RPL26L1: variants seen among roughly 807,000 people sequenced by gnomAD.
RPL26L1 encodes ribosomal protein uL24-like.
RPL26L1 carries 8 observed loss-of-function variants against 15.2 expected under a neutral mutation model. That is an observed-to-expected ratio of 0.53 (90% CI 0.31 to 0.95). RPL26L1 has a LOEUF of 0.95. Ranked by LOEUF, RPL26L1 falls within the 40% of genes least tolerant of loss-of-function variation. The probability of loss-of-function intolerance (pLI) is 0.05; values close to 1 mark genes in which losing one functional copy is unlikely to be tolerated. For missense variants in RPL26L1, 146 were observed against 190.9 expected (o/e 0.76, Z 1.39); for synonymous variants, 51 against 65.9 (o/e 0.77, Z 1.09).
chr5:172,967,166 G>A (rs1755489995), intron 2 of RPL26L1, among the ~76,000 whole-genome samples: 1 of 148,654 alleles, frequency 6.7e-6, no homozygotes, highest in Non-Finnish European at 1.5e-5. Context: ...CATGCATGGT[G>A]TTTAATAAGC....
Position 172,969,399 on chromosome 5 carries a change from C to A in RPL26L1, c.310-14C>A. The A allele has an allele frequency of 6.2e-7, 1 of 1,611,712 alleles. No homozygotes were observed. The highest frequency in any genetic ancestry group is 1.1e-5 in the South Asian group (1 of 90,796). ...GGATGCAGAAATAAAGACCTGTTTT[C>A]TCACTCCCAACAGGTGGTTATCACC... On this transcript the variant is annotated splice_polypyrimidine_tract_variant and intron_variant, in intron 3 of 3. Transcript: ENST00000265100.
At chr5:172,958,750 G>A (rs1755085614), upstream of RPL26L1, 2 of 245,140 alleles carry the variant, frequency 8.2e-6, no homozygotes, top group South Asian at 4.4e-5. Context: ...CGCGGAGCTC[G>A]GGAGCGACCC....
intron 2 of RPL26L1, 101 bp downstream of exon 2, chr5:172,960,142 A>G: frequency 7.2e-7 from 1 of 1,387,664 alleles, no homozygotes; most frequent in Non-Finnish European, 1.0e-6. Context: ...TCTGGAAAGT[A>G]GTGTGACCCT....
intron 3 of RPL26L1, 80 bp from the exon 4 acceptor site, chr5:172,969,333 T>A (rs1242469539): frequency 6.9e-7 from 1 of 1,446,836 alleles, no homozygotes; most frequent in East Asian, 2.3e-5. Context: ...GGCTGAGGTC[T>A]TACTTAACTT....
intron 3 of RPL26L1, among the ~76,000 whole-genome samples, chr5:172,968,917 C>G (rs1015822034): frequency 7.1e-6 from 1 of 141,794 alleles, no homozygotes; most frequent in South Asian, 2.3e-4. Context: ...AAGCAATTCT[C>G]CTGCCTCAGC....
At chr5:172,961,018 G>A (rs965191165) in intron 2 of RPL26L1, among the ~76,000 whole-genome samples, 6 of 152,090 alleles carry the variant, frequency 3.9e-5, no homozygotes, top group Non-Finnish European at 8.8e-5. Flanking sequence ...GTTGTGACAA[G>A]CAAAAATATT....
chr5:172,961,121 G>A (rs1045894934), intron 2 of RPL26L1, among the ~76,000 whole-genome samples: 1 of 152,184 alleles, frequency 6.6e-6, no homozygotes, highest in African/African-American at 2.4e-5. Flanking sequence ...ATGACATAAG[G>A]TGATGAGGCT....
At position 172,969,759 on chromosome 5, in the gene RPL26L1, C is replaced by A; in HGVS notation, c.*218C>A. 2.6e-6 allele frequency: 1 copy of A among 390,700 alleles called. No homozygotes were observed. Among genetic ancestry groups the A allele is most frequent in the East Asian group, 5.5e-5 (1 of 18,204 alleles). 24.2% of individuals were successfully genotyped at this position (390,700 alleles called of 1,614,324 possible). On this transcript the variant is annotated 3_prime_UTR_variant, in exon 4 of 4. Coordinates refer to ENST00000265100, the MANE Select transcript of RPL26L1 (RefSeq NM_016093.4). ...TTTGCATTGTTTTATAAATAAATTC[C>A]ACTTACTATCAATTCCCCTTTGCCA... is the stretch of plus-strand genomic sequence containing the variant.
intron 2 of RPL26L1, 37 bp downstream of exon 2, chr5:172,960,078 C>T (rs755838982): frequency 1.2e-6 from 2 of 1,612,100 alleles, no homozygotes; most frequent in Non-Finnish European, 1.7e-6. Flanking sequence ...GCTCGGACAC[C>T]GTTGCCTAAG....
intron 3 of RPL26L1, among the ~76,000 whole-genome samples, chr5:172,969,048 C>T (rs1056920780): frequency 2.6e-5 from 4 of 151,838 alleles, no homozygotes; most frequent in South Asian, 2.1e-4. Context: ...CCTCGTGATC[C>T]GCCCGCCTCG....
intron 2 of RPL26L1, among the ~76,000 whole-genome samples, chr5:172,961,881 A>G (rs768699085): frequency 3.3e-5 from 5 of 152,274 alleles, no homozygotes; most frequent in Admixed American, 6.5e-5. Flanking sequence ...GAACATCTCT[A>G]TTTAGGTAGC....
chr5:172,960,049 T>C lies in RPL26L1; in HGVS notation c.168+8T>C, dbSNP rs765213659. The C allele has an allele frequency of 6.2e-7, 1 of 1,613,924 alleles. No homozygotes were observed. Among genetic ancestry groups the C allele is most frequent in the Non-Finnish European group, 8.5e-7 (1 of 1,179,936 alleles). The stretch of plus-strand genomic sequence containing the variant: ...AAGGACGACGAGGTCCAGGTACGTC[T>C]CCCTCCGGCGCTAGTGGCGCTCGGA... On this transcript the variant is annotated splice_region_variant and intron_variant, in intron 2 of 3. Transcript: ENST00000265100.
upstream of RPL26L1, chr5:172,955,698 T>C (rs1458483872): frequency 6.6e-6 from 1 of 152,262 alleles, no homozygotes; most frequent in Non-Finnish European, 1.5e-5. Context: ...CACTTCATTC[T>C]GGCCAGTCAT....
At chr5:172,965,984 G>C (rs990904330) in intron 2 of RPL26L1, among the ~76,000 whole-genome samples, 3 of 152,116 alleles carry the variant, frequency 2.0e-5, no homozygotes, top group Non-Finnish European at 4.4e-5. Context: ...CCATCCACCT[G>C]GTTGCCCAAG....
rs1196706118 is a variant in RPL26L1, at chr5:172,959,859, T to G, written c.-9-6T>G. 6.2e-7 allele frequency: 1 copy of G among 1,613,912 alleles called. No homozygotes were observed. Among genetic ancestry groups the G allele is most frequent in the Non-Finnish European group, 8.5e-7 (1 of 1,179,856 alleles). ...CCTTCATTCCGTCTCTCTCCGCCCT[T>G]TGTAGAGGGTCACCATGAAGTTCAA... is the stretch of plus-strand genomic sequence containing the variant. On this transcript the variant is annotated splice_region_variant and splice_polypyrimidine_tract_variant and intron_variant, in intron 1 of 3. Coordinates refer to ENST00000265100, the MANE Select transcript of RPL26L1 (RefSeq NM_016093.4).
intron 2 of RPL26L1, among the ~76,000 whole-genome samples, chr5:172,967,335 C>T (rs1003267580): frequency 1.9e-4 from 29 of 152,120 alleles, no homozygotes; most frequent in African/African-American, 6.7e-4. Context: ...CCTGCTGGTG[C>T]GTGCCTATAA....
At chr5:172,961,190 A>G (rs898398231) in intron 2 of RPL26L1, among the ~76,000 whole-genome samples, 3 of 152,186 alleles carry the variant, frequency 2.0e-5, no homozygotes, top group African/African-American at 7.2e-5. Flanking sequence ...TTAAGGAGGA[A>G]AAAATGTGGA....
intron 2 of RPL26L1, among the ~76,000 whole-genome samples, chr5:172,964,251 A>C (rs537381081): frequency 8.8e-5 from 13 of 148,162 alleles, no homozygotes; most frequent in African/African-American, 3.0e-4. Flanking sequence ...CTGGGATTAC[A>C]GGCATGAGCC....
Position 172,968,380 on chromosome 5 carries a change from T to A in RPL26L1, c.169-79T>A. On this transcript the variant is annotated intron_variant, in intron 2 of 3. Coordinates refer to ENST00000265100, the MANE Select transcript of RPL26L1 (RefSeq NM_016093.4). ...TTGACAAAGTTATATGTTTAGCCCA[T>A]GTGTTCCTGATGGTTAGCTTCCTCT... 6 of 1,551,668 alleles carry A rather than the reference T, an allele frequency of 3.9e-6. No individual in the cohort carries two copies. The Admixed American group carries it at 1.1e-4, about 27-fold the overall frequency.
Sources: gnomAD v4.1 joint callset for allele counts (sites outside exome capture counted in the v4.1 genomes callset) on GRCh38, gnomAD v4.1.1 for gene constraint, MANE v1.5 for transcripts, NCBI Gene and HGNC (gene_info 2026-07-23, HGNC 2026-07-21) for gene names.